Variants in FBXO34 observed in about 807,000 individuals in gnomAD.
FBXO34 encodes the protein F-box only protein 34.
Under a neutral mutation model 24.5 loss-of-function variants are expected in FBXO34, and 12 were observed. The observed-to-expected ratio is 0.49, with a 90% CI of 0.31 to 0.79. The LOEUF is 0.79. Among genes scored for constraint, FBXO34 ranks in the 30% least tolerant of loss-of-function variants. The pLI is 0.04. For missense variants in FBXO34, 823 were observed against 857.7 expected (o/e 0.96, Z 0.51); for synonymous variants, 320 against 311.9 (o/e 1.03, Z -0.27).
the FBXO34 span, among the ~76,000 whole-genome samples, chr14:55,421,662 C>T: frequency 2.6e-5 from 4 of 152,280 alleles, no homozygotes; most frequent in South Asian, 8.3e-4. Flanking sequence ...GGGGTTTCAC[C>T]ATGTTGGCAA....
chr14:55,369,778 A>G (rs368966934), downstream of FBXO34: 64 of 1,614,148 alleles, frequency 4.0e-5, 1 homozygote, highest in Middle Eastern at 8.2e-4. Context: ...AAAACCGGGG[A>G]CTAGGCAAGT....
At chr14:55,334,613 A>G (rs1361009064) in intron 1 of FBXO34, among the ~76,000 whole-genome samples, 3 of 152,116 alleles carry the variant, frequency 2.0e-5, no homozygotes, top group African/African-American at 4.8e-5. Flanking sequence ...CAGTGGGTAA[A>G]GCATGATAAA....
chr14:55,393,528 T>G, the FBXO34 span, among the ~76,000 whole-genome samples: 1 of 151,894 alleles, frequency 6.6e-6, no homozygotes, highest in Non-Finnish European at 1.5e-5. Context: ...AAAATTAAAG[T>G]TTAATGTGTA....
chr14:55,296,382 G>GTGTTTTTT (rs1882122432), intron 1 of FBXO34, among the ~76,000 whole-genome samples: 4 of 95,820 alleles, frequency 4.2e-5, no homozygotes, highest in Non-Finnish European at 6.4e-5. Flanking sequence ...CTGTTCTTGT[G>GTGTTTTTT]TTTTTTTTGT....
At chr14:55,305,341 G>C (rs1345557413) in intron 1 of FBXO34, among the ~76,000 whole-genome samples, 1 of 151,842 alleles carries the variant, frequency 6.6e-6, no homozygotes, top group Non-Finnish European at 1.5e-5. Flanking sequence ...CTTGAACCCG[G>C]GAGGTGGGGG....
the FBXO34 span, among the ~76,000 whole-genome samples, chr14:55,385,211 A>G: frequency 6.6e-6 from 1 of 152,228 alleles, no homozygotes; most frequent in Non-Finnish European, 1.5e-5. Context: ...AAGGAAATCA[A>G]GATTTTGAGG....
chr14:55,380,211 G>A, the FBXO34 span, among the ~76,000 whole-genome samples: 1 of 152,090 alleles, frequency 6.6e-6, no homozygotes, highest in African/African-American at 2.4e-5. Flanking sequence ...TTGCGCCACT[G>A]CACTCTGGCC....
intron 1 of FBXO34, among the ~76,000 whole-genome samples, chr14:55,280,707 T>C (rs1227039947): frequency 6.6e-6 from 1 of 151,958 alleles, no homozygotes; most frequent in East Asian, 1.9e-4. Flanking sequence ...TTTGTATTTT[T>C]AGTAGAGACG....
intron 1 of FBXO34, among the ~76,000 whole-genome samples, chr14:55,292,326 A>G (rs376350105): frequency 7.2e-5 from 11 of 151,994 alleles, no homozygotes; most frequent in African/African-American, 1.2e-4. Context: ...GTAATTTTCT[A>G]TGCCACTGGG....
At chr14:55,423,723 T>C in the FBXO34 span, among the ~76,000 whole-genome samples, 15 of 152,222 alleles carry the variant, frequency 9.9e-5, no homozygotes, top group Non-Finnish European at 2.1e-4. Flanking sequence ...CATTCAGAGC[T>C]GCTTTCACAC....
At chr14:55,312,573 C>T (rs1195994253) in intron 1 of FBXO34, among the ~76,000 whole-genome samples, 2 of 152,244 alleles carry the variant, frequency 1.3e-5, no homozygotes, top group African/African-American at 4.8e-5. Flanking sequence ...CAAACTTCTG[C>T]CTGATCATCC....
chr14:55,402,954 TATATATATATATATAA>T, the FBXO34 span, among the ~76,000 whole-genome samples: 31 of 56,418 alleles, frequency 5.5e-4, no homozygotes, highest in South Asian at 2.2e-3. Flanking sequence ...TATATATATA[TATATATATATATATAA>T]ATAGCTGGGC....
chr14:55,365,593 T>G (rs1275082866), downstream of FBXO34, among the ~76,000 whole-genome samples: 3 of 152,148 alleles, frequency 2.0e-5, no homozygotes, highest in African/African-American at 7.2e-5. Flanking sequence ...CCCAATCTGT[T>G]TCCTGCATCA....
chr14:55,414,858 A>T, the FBXO34 span, among the ~76,000 whole-genome samples: 2 of 152,242 alleles, frequency 1.3e-5, no homozygotes, highest in Non-Finnish European at 2.9e-5. Flanking sequence ...TTGATAACAG[A>T]TGGAGACAAA....
chr14:55,292,433 C>G (rs552663168), intron 1 of FBXO34, among the ~76,000 whole-genome samples: 1 of 152,114 alleles, frequency 6.6e-6, no homozygotes, highest in South Asian at 2.1e-4. Context: ...CAACACAGCT[C>G]ACTGCAGCCT....
At chr14:55,278,345 C>T (rs1311381869) in intron 1 of FBXO34, among the ~76,000 whole-genome samples, 1 of 152,060 alleles carries the variant, frequency 6.6e-6, no homozygotes, top group Non-Finnish European at 1.5e-5. Flanking sequence ...GGGTATTGTT[C>T]CAGTTTTCTG....
At chr14:55,295,387 A>ATTTT (rs3051307) in intron 1 of FBXO34, among the ~76,000 whole-genome samples, 6 of 91,382 alleles carry the variant, frequency 6.6e-5, no homozygotes, top group Non-Finnish European at 8.0e-5. Flanking sequence ...ATTCTTTTCT[A>ATTTT]TTTTTTTTTT....
chr14:55,275,600 G>T (rs1881308116), intron 1 of FBXO34, among the ~76,000 whole-genome samples: 1 of 151,610 alleles, frequency 6.6e-6, no homozygotes, highest in Admixed American at 6.6e-5. Flanking sequence ...AGAACACGAG[G>T]TCAGGAGATT....
the FBXO34 span, among the ~76,000 whole-genome samples, chr14:55,440,138 C>T: frequency 1.3e-5 from 2 of 151,706 alleles, 1 homozygote; most frequent in Admixed American, 1.3e-4. Context: ...AAAACCAGAA[C>T]AACCTGGGAA....
Sources: allele counts gnomAD v4.1 joint callset (sites outside exome capture counted in the v4.1 genomes callset), GRCh38; gene constraint gnomAD v4.1.1; transcripts MANE v1.5; gene names NCBI Gene and HGNC (gene_info 2026-07-23, HGNC 2026-07-21).